Variants in RNF138 observed in about 807,000 individuals in gnomAD.
The protein encoded by RNF138 is ring finger protein 138.
RNF138 carries 12 observed loss-of-function variants against 31.0 expected under a neutral mutation model. The ratio of observed to expected loss-of-function variants is 0.39; its 90% confidence interval spans 0.25 to 0.63. The LOEUF is 0.63. Among genes scored for constraint, RNF138 ranks in the 20% least tolerant of loss-of-function variants. RNF138 has a pLI of 0.52. For missense variants in RNF138, 192 were observed against 300.1 expected, an observed-to-expected ratio of 0.64 and a Z score of 2.66; for synonymous variants, 105 against 99.5, an observed-to-expected ratio of 1.06 and a Z score of -0.33.
At chr18:32,100,253 T>C (rs892691436) in intron 2 of RNF138, among the ~76,000 whole-genome samples, 1 of 151,052 alleles carries the variant, frequency 6.6e-6, no homozygotes, top group Non-Finnish European at 1.5e-5. Flanking sequence ...GAAGGAACAG[T>C]AAAATTGGAC....
At chr18:32,116,325 G>T (rs1034275769) in intron 4 of RNF138, among the ~76,000 whole-genome samples, 2 of 151,984 alleles carry the variant, frequency 1.3e-5, no homozygotes, top group African/African-American at 4.8e-5. Flanking sequence ...CTTCTTGGTA[G>T]AACTGTTCTT....
intron 2 of RNF138, among the ~76,000 whole-genome samples, chr18:32,111,016 G>A (rs1011539335): frequency 6.6e-6 from 1 of 152,170 alleles, no homozygotes; most frequent in Non-Finnish European, 1.5e-5. Flanking sequence ...TCCTGACCAC[G>A]TGATCCGCCT....
chr18:32,115,199 C>T (rs978339195), intron 4 of RNF138, among the ~76,000 whole-genome samples: 2 of 152,128 alleles, frequency 1.3e-5, no homozygotes, highest in African/African-American at 2.4e-5. Flanking sequence ...ATTGTAATCA[C>T]GCTTTTAATG....
intron 4 of RNF138, among the ~76,000 whole-genome samples, chr18:32,118,958 ATTC>A (rs1243777768): frequency 1.2e-4 from 19 of 152,166 alleles, no homozygotes; most frequent in Admixed American, 6.5e-4. Context: ...GTATATGCAT[ATTC>A]TTTAATTTTC....
At chr18:32,126,589 T>C (rs192455084) in intron 6 of RNF138, 104 bp from the exon 7 acceptor site, 2 of 643,064 alleles carry the variant, frequency 3.1e-6, no homozygotes, top group Admixed American at 2.8e-5. Flanking sequence ...GCTTCTCACG[T>C]AGATATTTTT....
Position 32,122,217 on chromosome 18 carries a change from T to C in RNF138, c.393-1301T>C, listed in dbSNP as rs2040317817. On this transcript the variant is annotated intron_variant, in intron 4 of 7. Coordinates refer to ENST00000261593, the MANE Select transcript of RNF138 (RefSeq NM_016271.5). ...TCTGCTTGCTCGCTTGGGCTATGTG[T>C]GGAGAGATAACATTGTTATCTTCAC... is the stretch of plus-strand genomic sequence containing the variant. Among the ~76,000 whole-genome samples the C allele has an allele frequency of 2.0e-5, 3 of 152,260 alleles. No individual in the cohort carries two copies. In the South Asian group the frequency reaches 6.2e-4, roughly 32 times the overall value.
chr18:32,105,666 G>T (rs893619458), intron 2 of RNF138, among the ~76,000 whole-genome samples: 1 of 152,166 alleles, frequency 6.6e-6, no homozygotes, highest in Non-Finnish European at 1.5e-5. Context: ...GAATATCTCT[G>T]ATCCTGAAGT....
intron 2 of RNF138, among the ~76,000 whole-genome samples, chr18:32,111,179 C>G (rs1205673685): frequency 6.6e-6 from 1 of 152,248 alleles, no homozygotes; most frequent in Non-Finnish European, 1.5e-5. Context: ...TATCTGTTAA[C>G]ACGCAGATAA....
intron 7 of RNF138, among the ~76,000 whole-genome samples, chr18:32,127,658 T>C (rs1019861837): frequency 6.6e-6 from 1 of 152,276 alleles, no homozygotes; most frequent in Non-Finnish European, 1.5e-5. Context: ...AGCAATTTTA[T>C]AAAGTAATTC....
intron 4 of RNF138, among the ~76,000 whole-genome samples, chr18:32,115,739 C>T (rs186024361): frequency 2.6e-5 from 4 of 152,102 alleles, no homozygotes; most frequent in Non-Finnish European, 4.4e-5. Context: ...AGTCAGACTC[C>T]GTCTAAAACA....
chr18:32,101,091 G>C (rs911204370), intron 2 of RNF138, among the ~76,000 whole-genome samples: 1 of 152,082 alleles, frequency 6.6e-6, no homozygotes, highest in Non-Finnish European at 1.5e-5. Context: ...GGCTGTGCTC[G>C]TGCATAGAAC....
chr18:32,111,678 C>A, intron 2 of RNF138, 76 bp from the exon 3 acceptor site: 1 of 1,146,732 alleles, frequency 8.7e-7, no homozygotes, highest in Non-Finnish European at 1.2e-6. Context: ...TATTTATAAT[C>A]ACTTGTTTGT....
chr18:32,128,847 C>T (rs1045279042), intron 7 of RNF138, among the ~76,000 whole-genome samples: 3 of 152,042 alleles, frequency 2.0e-5, no homozygotes, highest in African/African-American at 7.2e-5. Context: ...CTTATAAAGG[C>T]ATTATAACAC....
At chr18:32,114,472 C>G (rs921181851) in intron 4 of RNF138, among the ~76,000 whole-genome samples, 1 of 152,102 alleles carries the variant, frequency 6.6e-6, no homozygotes, top group African/African-American at 2.4e-5. Context: ...ATCCAGTTAC[C>G]TATTAACCCA....
intron 2 of RNF138, among the ~76,000 whole-genome samples, chr18:32,093,333 C>T (rs2039742576): frequency 6.6e-6 from 1 of 151,906 alleles, no homozygotes. Context: ...GGTGCTCGCG[C>T]GGGCCCGCTC....
chr18:32,128,398 T>C (rs1218866178), intron 7 of RNF138, among the ~76,000 whole-genome samples: 3 of 152,060 alleles, frequency 2.0e-5, no homozygotes, highest in Admixed American at 6.6e-5. Context: ...ATTAGCTGGG[T>C]GTGGTGGTAC....
intron 2 of RNF138, among the ~76,000 whole-genome samples, chr18:32,094,199 CT>C (rs1189537460): frequency 1.6e-5 from 2 of 126,798 alleles, no homozygotes; most frequent in Non-Finnish European, 3.7e-5. Flanking sequence ...TCTCCTTCGA[CT>C]TTTTTTTCTT....
chr18:32,106,709 C>T (rs1011142582), intron 2 of RNF138, among the ~76,000 whole-genome samples: 49 of 151,512 alleles, frequency 3.2e-4, no homozygotes, highest in Admixed American at 1.4e-3. Flanking sequence ...GGACTACAGG[C>T]GCCCGTCACC....
chr18:32,097,930 A>G (rs1383731267), intron 2 of RNF138, among the ~76,000 whole-genome samples: 1 of 141,992 alleles, frequency 7.0e-6, no homozygotes, highest in Non-Finnish European at 1.5e-5. Context: ...GTGTGTGTAT[A>G]TGTGTATGTA....
Sources: gnomAD v4.1 joint callset for allele counts (sites outside exome capture counted in the v4.1 genomes callset) on GRCh38, gnomAD v4.1.1 for gene constraint, MANE v1.5 for transcripts, NCBI Gene and HGNC (gene_info 2026-07-23, HGNC 2026-07-21) for gene names.